Variants in NF1 observed in about 807,000 individuals in gnomAD.
NF1 encodes neurofibromin.
NF1 carries 122 observed loss-of-function variants against 325.7 expected under a neutral mutation model. That is an observed-to-expected ratio of 0.37 (90% CI 0.32 to 0.44). NF1 has a LOEUF of 0.44. Among genes scored for constraint, NF1 ranks in the 20% least tolerant of loss-of-function variants. The probability of loss-of-function intolerance (pLI) is 1.00; values close to 1 mark genes in which losing one functional copy is unlikely to be tolerated. For synonymous variants in NF1, 1,091 were observed against 1,186.0 expected, an observed-to-expected ratio of 0.92 and a Z score of 1.65; for missense variants, 2,140 against 3,415.4, an observed-to-expected ratio of 0.63 and a Z score of 9.31.
At chr17:31,323,397 G>A (rs1329228266) in intron 36 of NF1, among the ~76,000 whole-genome samples, 11 of 150,628 alleles carry the variant, frequency 7.3e-5, no homozygotes, top group Admixed American at 4.0e-4. Flanking sequence ...CTGAGTTAAG[G>A]GAAAAAAAAA....
intron 5 of NF1, among the ~76,000 whole-genome samples, chr17:31,173,631 T>C (rs2065970388): frequency 1.3e-5 from 2 of 151,548 alleles, no homozygotes; most frequent in Admixed American, 1.3e-4. Flanking sequence ...ATACATAGCA[T>C]TTGATAGTCA....
chr17:31,349,160 C>T lies in NF1; in HGVS notation c.7230C>T (p.Val2410=), dbSNP rs1555536022. The change falls in exon 49 of 58, where the codon GTC becomes GTT. Residue 2410 remains valine (V), a synonymous_variant. Coordinates refer to ENST00000358273, the MANE Select transcript of NF1 (RefSeq NM_001042492.3). ...CACCTGCTATTGTTGCAAGAACAGTCAGAATTTTACATACACTACTAACTC... is the reference window on the plus strand; with the variant it reads ...CACCTGCTATTGTTGCAAGAACAGTTAGAATTTTACATACACTACTAACTC... ...HPSPAIVART[V]RILHTLLTLV... The T allele has an allele frequency of 6.2e-7, 1 of 1,610,492 alleles. No individual in the cohort carries two copies. Among genetic ancestry groups the T allele is most frequent in the Non-Finnish European group, 8.5e-7 (1 of 1,178,060 alleles).
In NF1 at chr17:31,358,899, A is replaced by T. The variant is rs192112633; in HGVS notation, c.8114-70A>T. The T allele has an allele frequency of 1.2e-3, 1,607 of 1,346,530 alleles. 6 individuals are homozygous for T. The highest frequency in any genetic ancestry group is 1.5e-3 in the Non-Finnish European group (1,447 of 938,514). 83.4% of individuals were successfully genotyped at this position (1,346,530 alleles called of 1,614,324 possible). A position where few individuals can be genotyped will look rare whatever the true frequency, so the allele number is the denominator to read the frequency against. On this transcript the variant is annotated intron_variant, in intron 55 of 57. Transcript: ENST00000358273. ...GGGTTTATATATCATCAGCTATATGACTTATTTAATTTCTGTTACAATTAA... is the reference window on the plus strand; with the variant it reads ...GGGTTTATATATCATCAGCTATATGTCTTATTTAATTTCTGTTACAATTAA...
chr17:31,154,732 C>CT lies in NF1; in HGVS notation c.61-1229dup, dbSNP rs71142026. On this transcript the variant is annotated intron_variant, in intron 1 of 57. Coordinates refer to ENST00000358273, the MANE Select transcript of NF1 (RefSeq NM_001042492.3). ...CCCCGCCAATTTCATTTAGTATTTC[C>CT]TTTTTTTTTTTTTTTTTTTTTTATT... Among the ~76,000 whole-genome samples the CT allele has an allele frequency of 3.4e-3, 351 of 103,394 alleles. 8 individuals carry two copies. The highest frequency in any genetic ancestry group is 0.011 in the African/African-American group (295 of 26,776). The allele number at this position is 103,394 out of a possible 152,430, so 67.8% of individuals were successfully genotyped here. A position where few individuals can be genotyped will look rare whatever the true frequency, so the allele number is the denominator to read the frequency against.
At chr17:31,245,593 T>G (rs776880187) in intron 29 of NF1, among the ~76,000 whole-genome samples, 1 of 152,164 alleles carries the variant, frequency 6.6e-6, no homozygotes, top group Non-Finnish European at 1.5e-5. Context: ...ACTTTACTTT[T>G]GTTTGCCTAC....
At chr17:31,333,391 C>T (rs905067991) in intron 39 of NF1, among the ~76,000 whole-genome samples, 4 of 152,072 alleles carry the variant, frequency 2.6e-5, no homozygotes, top group African/African-American at 7.2e-5. Flanking sequence ...GATCTTAAGT[C>T]AACAGCTTGA....
intron 32 of NF1, 57 bp from the exon 33 acceptor site, chr17:31,258,975 G>A (rs2151462781): frequency 8.5e-7 from 1 of 1,178,902 alleles, no homozygotes; most frequent in Admixed American, 2.0e-5. Context: ...ATGTCTTAAT[G>A]TATAGACTTC....
At chr17:31,305,598 T>G in intron 36 of NF1, 2 of 1,612,154 alleles carry the variant, frequency 1.2e-6, no homozygotes, top group Non-Finnish European at 1.7e-6. Context: ...AGATGAAATA[T>G]TTGGGATCCA....
In NF1 at chr17:31,349,182, ACT is replaced by A. The variant is rs1597858459; in HGVS notation, c.7255_7256del (p.Leu2419GlyfsTer2). The A allele has an allele frequency of 6.2e-7, 1 of 1,613,210 alleles. No individual in the cohort carries two copies. The highest frequency in any genetic ancestry group is 8.5e-7 in the Non-Finnish European group (1 of 1,179,520). On this transcript the variant is annotated frameshift_variant, in exon 49 of 58. Transcript: ENST00000358273. LOFTEE classifies it high-confidence loss of function. ...AGTCAGAATTTTACATACACTACTA[ACT>A]CTGGTTAACAAACACAGAAATTGTG... Reference protein sequence around the residue: ...RTVRILHTLLTLVNKHRNCDK... With the variant: ...RTVRILHTLLXLVNKHRNCDK...
At chr17:31,160,484 G>A (rs530717786) in intron 3 of NF1, among the ~76,000 whole-genome samples, 2 of 152,182 alleles carry the variant, frequency 1.3e-5, no homozygotes, top group Non-Finnish European at 1.5e-5. Context: ...TCGAAGGTGA[G>A]CTAGTTGTTT....
At chr17:31,112,683 A>G (rs1000002010) in intron 1 of NF1, among the ~76,000 whole-genome samples, 5 of 152,210 alleles carry the variant, frequency 3.3e-5, no homozygotes, top group African/African-American at 1.2e-4. Flanking sequence ...AGTTCATCAG[A>G]TAAATGATTT....
At chr17:31,236,124 A>C in intron 29 of NF1, 103 bp downstream of exon 29, 1 of 799,642 alleles carries the variant, frequency 1.3e-6, no homozygotes, top group Admixed American at 2.3e-5. Flanking sequence ...CCCCTTGATC[A>C]TTAAAATTAG....
At chr17:31,149,108 G>GT (rs527292018) in intron 1 of NF1, among the ~76,000 whole-genome samples, 2,276 of 144,430 alleles carry the variant, frequency 0.016, 33 homozygotes, top group Non-Finnish European at 0.025. Context: ...TCTCCATCTT[G>GT]TTTTTTTTTT....
chr17:31,337,926 G>GA, intron 44 of NF1, 46 bp downstream of exon 44: 2 of 1,567,480 alleles, frequency 1.3e-6, no homozygotes, highest in Non-Finnish European at 1.8e-6. Flanking sequence ...GCATATTGTT[G>GA]AAAATACAGC....
In NF1 at chr17:31,290,680, TA is replaced by T. The variant is rs56774733; in HGVS notation, c.4835+25342del. Among the ~76,000 whole-genome samples the T allele has an allele frequency of 7.8e-3, 1,194 of 152,268 alleles. 20 individuals are homozygous for T. Among genetic ancestry groups the T allele is most frequent in the African/African-American group, 0.028 (1,143 of 41,558 alleles). On this transcript the variant is annotated intron_variant, in intron 36 of 57. Transcript: ENST00000358273. Reference sequence around the variant, plus strand: ...TTTTATGCCACTATCATTCTGTAATTATTATGGCTGATACATGTTTCTCTCT... The same window carrying T: ...TTTTATGCCACTATCATTCTGTAATTTTATGGCTGATACATGTTTCTCTCT...
intron 5 of NF1, 144 bp from the exon 6 acceptor site, chr17:31,181,278 G>A (rs930772524): frequency 1.4e-6 from 1 of 715,542 alleles, no homozygotes; most frequent in Non-Finnish European, 2.3e-6. Flanking sequence ...CGAGTTTTGG[G>A]TTTATGTTAG....
chr17:31,220,350 A>C (rs1321377047), intron 14 of NF1, among the ~76,000 whole-genome samples: 3 of 152,188 alleles, frequency 2.0e-5, no homozygotes, highest in Admixed American at 1.3e-4. Context: ...TTGGTCCCGT[A>C]AATTGATACA....
intron 21 of NF1, 67 bp downstream of exon 21, chr17:31,229,532 T>C: frequency 6.5e-7 from 1 of 1,536,480 alleles, no homozygotes; most frequent in South Asian, 1.1e-5. Context: ...TAAGCCTTTT[T>C]CTTTCAGATT....
chr17:31,110,895 A>G (rs1250580786), intron 1 of NF1, among the ~76,000 whole-genome samples: 4 of 151,980 alleles, frequency 2.6e-5, no homozygotes, highest in African/African-American at 9.7e-5. Context: ...CTGTTCTTAA[A>G]AAACAAAAAC....
Sources: gnomAD v4.1 joint callset for allele counts (sites outside exome capture counted in the v4.1 genomes callset) on GRCh38, gnomAD v4.1.1 for gene constraint, MANE v1.5 for transcripts, NCBI Gene and HGNC (gene_info 2026-07-23, HGNC 2026-07-21) for gene names.